Variants in EXOC6B observed in about 807,000 individuals in gnomAD.
EXOC6B encodes the protein exocyst complex component 6B.
In EXOC6B, 54 loss-of-function variants were observed where a neutral mutation model predicts 113.5. The ratio of observed to expected loss-of-function variants is 0.48; its 90% CI spans 0.38 to 0.60. The LOEUF is 0.60. Ranked by LOEUF, EXOC6B falls within the 20% of genes least tolerant of loss-of-function variation. The pLI, the probability that EXOC6B is intolerant of heterozygous loss-of-function variation, is 0.00. For missense variants in EXOC6B, 797 were observed against 977.5 expected (o/e 0.82, Z 2.46); for synonymous variants, 357 against 339.0 (o/e 1.05, Z -0.58).
rs971416988 is a variant in EXOC6B, at chr2:72,498,201, CA to C, written c.1337+252del. Among the ~76,000 whole-genome samples, 4 of 152,182 alleles carry C rather than the reference CA, an allele frequency of 2.6e-5. 1 individual carries two copies. Among genetic ancestry groups the C allele is most frequent in the African/African-American group, 9.6e-5 (4 of 41,520 alleles). On this transcript the variant is annotated intron_variant, in intron 13 of 21. Transcript: ENST00000272427. The stretch of plus-strand genomic sequence containing the variant: ...GGAATCTGATATTTATCGAAGGAAA[CA>C]AAAAGGCAAAATAGGGTTTGGGGAC...
intron 18 of EXOC6B, among the ~76,000 whole-genome samples, chr2:72,401,869 GA>G (rs1558631823): frequency 1.3e-5 from 2 of 148,544 alleles, no homozygotes; most frequent in African/African-American, 4.9e-5. Flanking sequence ...AACAGCTAGA[GA>G]AAAAAAATTA....
chr2:72,307,163 T>TTTTGTTTTTTTTTTTTTTG (rs1312448461), intron 20 of EXOC6B, among the ~76,000 whole-genome samples: 6 of 147,570 alleles, frequency 4.1e-5, no homozygotes, highest in Non-Finnish European at 7.4e-5. Context: ...ATAGTCCAGT[T>TTTTGTTTTTTTTTTTTTTG]TTTTTTTTTT....
chr2:72,463,091 T>C (rs1697803708), intron 18 of EXOC6B: 1 of 152,116 alleles, frequency 6.6e-6, no homozygotes, highest in Admixed American at 6.6e-5. Context: ...TATTAACATA[T>C]TTTTTTAAAA....
intron 20 of EXOC6B, among the ~76,000 whole-genome samples, chr2:72,303,093 G>A (rs1189430209): frequency 2.0e-5 from 3 of 152,144 alleles, no homozygotes; most frequent in Admixed American, 2.0e-4. Flanking sequence ...GGTTTGGCTG[G>A]ATATGAAATT....
intron 6 of EXOC6B, among the ~76,000 whole-genome samples, chr2:72,576,886 T>A (rs1704903115): frequency 1.3e-5 from 2 of 152,148 alleles, no homozygotes; most frequent in Admixed American, 6.5e-5. Context: ...TATACATTTC[T>A]TAATCAATAT....
At chr2:72,315,823 AT>A (rs1344024596) in intron 20 of EXOC6B, among the ~76,000 whole-genome samples, 1 of 152,170 alleles carries the variant, frequency 6.6e-6, no homozygotes. Flanking sequence ...CCTTTAGGAC[AT>A]TTTAATGTAT....
chr2:72,259,788 C>T (rs1186470176), intron 20 of EXOC6B, among the ~76,000 whole-genome samples: 4 of 151,206 alleles, frequency 2.6e-5, no homozygotes, highest in Admixed American at 6.6e-5. Flanking sequence ...CAGTGGCTCA[C>T]GCTGGTAATC....
chr2:72,479,500 T>A (rs1383659920), intron 17 of EXOC6B, among the ~76,000 whole-genome samples: 1 of 152,104 alleles, frequency 6.6e-6, no homozygotes, highest in Non-Finnish European at 1.5e-5. Context: ...ACTCTACAAC[T>A]GTATATTTAA....
rs754353673 is a variant in EXOC6B at position 72,537,597 on chromosome 2, A to T, written c.915+21856T>A. On this transcript the variant is annotated intron_variant, in intron 8 of 21. Transcript: ENST00000272427. ...TAGCAAGCTGAGATCATGCCACTAC[A>T]CTCCCAGCCTGGGCAACAGAGTGAG... is the stretch of plus-strand genomic sequence containing the variant. 2.0e-4 allele frequency among the ~76,000 whole-genome samples: 31 copies of T among 151,858 alleles called. 1 individual carries two copies. Among genetic ancestry groups the T allele is most frequent in the Non-Finnish European group, 4.4e-4 (30 of 67,968 alleles).
intron 16 of EXOC6B, among the ~76,000 whole-genome samples, chr2:72,489,450 T>C (rs1699618723): frequency 6.6e-6 from 1 of 152,218 alleles, no homozygotes; most frequent in Non-Finnish European, 1.5e-5. Flanking sequence ...TCCATTTCTA[T>C]ACTAGTATTA....
chr2:72,316,602 C>T (rs1192421405), intron 20 of EXOC6B, among the ~76,000 whole-genome samples: 2 of 152,148 alleles, frequency 1.3e-5, no homozygotes, highest in East Asian at 3.9e-4. Flanking sequence ...GGTCCATTTA[C>T]TTCTAAAATG....
chr2:72,438,812 G>A (rs1696031786), intron 18 of EXOC6B, among the ~76,000 whole-genome samples: 1 of 152,090 alleles, frequency 6.6e-6, no homozygotes, highest in African/African-American at 2.4e-5. Flanking sequence ...CTGCTTGAGA[G>A]TCTTGCTATA....
chr2:72,700,512 A>G (rs967887375), intron 6 of EXOC6B, among the ~76,000 whole-genome samples: 1 of 152,144 alleles, frequency 6.6e-6, no homozygotes, highest in African/African-American at 2.4e-5. Context: ...AAAATATTTC[A>G]TTTGTTCAAT....
chr2:72,252,462 G>C (rs1222229008), intron 20 of EXOC6B, among the ~76,000 whole-genome samples: 1 of 152,056 alleles, frequency 6.6e-6, no homozygotes. Flanking sequence ...GACAGAGTGA[G>C]ACTCTGTCAC....
At chr2:72,552,528 A>G (rs1703298130) in intron 8 of EXOC6B, among the ~76,000 whole-genome samples, 1 of 152,150 alleles carries the variant, frequency 6.6e-6, no homozygotes, top group Non-Finnish European at 1.5e-5. Flanking sequence ...TGAGGCTAAA[A>G]CAACACTGAC....
chr2:72,280,047 T>C (rs552582731), intron 20 of EXOC6B, among the ~76,000 whole-genome samples: 2 of 152,202 alleles, frequency 1.3e-5, no homozygotes, highest in Non-Finnish European at 2.9e-5. Flanking sequence ...AAATGCTTCT[T>C]AAAAATACAT....
chr2:72,220,774 A>G (rs1301957069), intron 20 of EXOC6B, among the ~76,000 whole-genome samples: 2 of 152,174 alleles, frequency 1.3e-5, no homozygotes, highest in Non-Finnish European at 2.9e-5. Flanking sequence ...CTAACCTCAA[A>G]CATTGTACCC....
intron 20 of EXOC6B, among the ~76,000 whole-genome samples, chr2:72,205,883 T>C (rs916780485): frequency 3.9e-5 from 6 of 152,242 alleles, no homozygotes; most frequent in Admixed American, 1.3e-4. Context: ...ATTGGGGATA[T>C]TGAAGTTTTG....
intron 6 of EXOC6B, among the ~76,000 whole-genome samples, chr2:72,619,937 C>A (rs1450393865): frequency 6.6e-6 from 1 of 152,208 alleles, no homozygotes; most frequent in Non-Finnish European, 1.5e-5. Flanking sequence ...TACCCATCCC[C>A]TAGGACTTCC....
Sources: gnomAD v4.1 joint callset for allele counts (sites outside exome capture counted in the v4.1 genomes callset) on GRCh38, gnomAD v4.1.1 for gene constraint, MANE v1.5 for transcripts, NCBI Gene and HGNC (gene_info 2026-07-23, HGNC 2026-07-21) for gene names.